Variants in DYNAP observed in about 807,000 individuals in gnomAD.
DYNAP encodes dynactin associated protein.
DYNAP carries 7 observed loss-of-function variants against 8.5 expected under a neutral mutation model. The ratio of observed to expected loss-of-function variants is 0.82; its 90% CI spans 0.47 to 1.54. The LOEUF is 1.54. Among genes scored for constraint, DYNAP ranks in the 40% most tolerant of loss-of-function variants. The pLI is 0.01. For missense variants in DYNAP, 256 were observed against 224.3 expected (o/e 1.14, Z -0.90); for synonymous variants, 77 against 77.9 (o/e 0.99, Z 0.06).
chr18:54,583,087 G>A (rs1910772250), upstream of DYNAP, among the ~76,000 whole-genome samples: 1 of 151,700 alleles, frequency 6.6e-6, no homozygotes, highest in African/African-American at 2.4e-5. Flanking sequence ...TTTTTTTCTG[G>A]GCACACCTTA....
At chr18:54,577,124 A>G in the DYNAP span, among the ~76,000 whole-genome samples, 1 of 152,336 alleles carries the variant, frequency 6.6e-6, no homozygotes, top group Non-Finnish European at 1.5e-5. Flanking sequence ...CTAAGGCAAA[A>G]TGGAAGAGCT....
upstream of DYNAP, among the ~76,000 whole-genome samples, chr18:54,585,580 C>T (rs905588527): frequency 1.3e-5 from 2 of 152,150 alleles, no homozygotes; most frequent in African/African-American, 4.8e-5. Flanking sequence ...GTGAACTTGC[C>T]TCTTCCAAAC....
rs753763886 is a variant in DYNAP, at chr18:54,598,143, T to C, written c.553T>C (p.Ter185GlnextTer5). Residue 185 changes from the stop codon to glutamine (Q), a stop_lost, in exon 3 of 3, where the codon TAA (stop) becomes CAA (glutamine). Coordinates refer to ENST00000648945, the MANE Select transcript of DYNAP (RefSeq NM_173629.3). The stretch of plus-strand genomic sequence containing the variant: ...AACTGTTGCACCTACCGATCATTTA[T>C]AATTTGAACAGCCATAGCCATCACT... ...PITVAPTDHL* is the reference protein window; with the variant it reads ...PITVAPTDHLQ 1.2e-5 allele frequency: 19 copies of C among 1,604,166 alleles called. No individual in the cohort carries two copies. Among genetic ancestry groups the C allele is most frequent in the Admixed American group, 3.4e-5 (2 of 59,578 alleles).
chr18:54,576,121 T>C, the DYNAP span, among the ~76,000 whole-genome samples: 1 of 152,236 alleles, frequency 6.6e-6, no homozygotes, highest in Non-Finnish European at 1.5e-5. Context: ...TACTGTGCCA[T>C]ACTTCCTTGT....
chr18:54,587,932 G>A (rs1423424143), upstream of DYNAP: 1 of 400,074 alleles, frequency 2.5e-6, no homozygotes, highest in African/African-American at 2.1e-5. Context: ...CTTTTATTCT[G>A]TAGAAGTTGT....
chr18:54,585,560 A>G (rs545608546), upstream of DYNAP, among the ~76,000 whole-genome samples: 185 of 152,186 alleles, frequency 1.2e-3, 1 homozygote, highest in African/African-American at 4.3e-3. Context: ...AGGACCTTTA[A>G]GATTTGGATG....
chr18:54,587,575 C>T (rs1568239659), upstream of DYNAP, among the ~76,000 whole-genome samples: 1 of 152,044 alleles, frequency 6.6e-6, no homozygotes. Context: ...AATAACCATG[C>T]TAAGATTATT....
chr18:54,577,264 G>A, the DYNAP span, among the ~76,000 whole-genome samples: 1 of 152,088 alleles, frequency 6.6e-6, no homozygotes, highest in Admixed American at 6.6e-5. Context: ...TGAATCAACA[G>A]TTATTAATTT....
the DYNAP span, among the ~76,000 whole-genome samples, chr18:54,581,469 A>G: frequency 1.3e-5 from 2 of 152,228 alleles, no homozygotes; most frequent in Non-Finnish European, 2.9e-5. Flanking sequence ...GGAGTGCGGC[A>G]GGAATGTATG....
chr18:54,576,383 T>C, the DYNAP span, among the ~76,000 whole-genome samples: 1 of 152,286 alleles, frequency 6.6e-6, no homozygotes, highest in African/African-American at 2.4e-5. Context: ...GTTCAGTGGA[T>C]CCATATCTCA....
At chr18:54,581,454 C>A in the DYNAP span, among the ~76,000 whole-genome samples, 1 of 152,156 alleles carries the variant, frequency 6.6e-6, no homozygotes. Context: ...GTACTATAAC[C>A]AGCAGGAGTG....
rs1419072858 is a variant in DYNAP at position 54,598,242 on chromosome 18, GAATCATGGCTGCAGTCACTTTA to G, written c.*99_*120del. On this transcript the variant is annotated 3_prime_UTR_variant, in exon 3 of 3. Coordinates refer to ENST00000648945, the MANE Select transcript of DYNAP (RefSeq NM_173629.3). ...ATAGCTACTCCTATCACTTCAAGTG[GAATCATGGCTGCAGTCACTTTA>G]ACAGACTCTATAACCGTTACAACTT... 1 of 1,275,168 alleles carries G rather than the reference GAATCATGGCTGCAGTCACTTTA, an allele frequency of 7.8e-7. No individual in the cohort carries two copies. The highest frequency in any genetic ancestry group is 1.1e-6 in the Non-Finnish European group (1 of 924,280). The allele number at this position is 1,275,168 out of a possible 1,614,324, so 79.0% of individuals were successfully genotyped here.
chr18:54,578,659 T>G, the DYNAP span, among the ~76,000 whole-genome samples: 1 of 152,344 alleles, frequency 6.6e-6, no homozygotes, highest in Admixed American at 6.5e-5. Flanking sequence ...TGTGTTTATG[T>G]GAATCTTTCG....
In DYNAP at chr18:54,598,039, C is replaced by G; in HGVS notation, c.449C>G (p.Thr150Ser). 6.2e-7 allele frequency: 1 copy of G among 1,613,568 alleles called. No individual in the cohort carries two copies. Among genetic ancestry groups the G allele is most frequent in the Non-Finnish European group, 8.5e-7 (1 of 1,179,762 alleles). Residue 150 changes from threonine to serine, a missense_variant, in exon 3 of 3, where the codon ACT becomes AGT. By Grantham distance (58) the Thr-to-Ser change is moderately conservative (BLOSUM62 1). Coordinates refer to ENST00000648945, the MANE Select transcript of DYNAP (RefSeq NM_173629.3). ...SPACPPTMTT[T>S]STVPASTATE... Reference sequence around the variant, plus strand: ...GCTTGTCCACCTACAATGACCACCACTTCAACTGTACCTGCAAGTACAGCC... The same window carrying G: ...GCTTGTCCACCTACAATGACCACCAGTTCAACTGTACCTGCAAGTACAGCC...
intron 2 of DYNAP, among the ~76,000 whole-genome samples, chr18:54,595,565 C>G (rs981570215): frequency 6.6e-6 from 1 of 152,064 alleles, no homozygotes. Context: ...GTGGCACTTT[C>G]TTTAGCTCCC....
upstream of DYNAP, among the ~76,000 whole-genome samples, chr18:54,582,902 C>A (rs1910766162): frequency 6.6e-6 from 1 of 152,094 alleles, no homozygotes; most frequent in African/African-American, 2.4e-5. Flanking sequence ...TTGGCAGTGA[C>A]CTATATATTT....
At chr18:54,583,777 A>G (rs576716473), upstream of DYNAP, among the ~76,000 whole-genome samples, 3 of 152,170 alleles carry the variant, frequency 2.0e-5, no homozygotes, top group Non-Finnish European at 4.4e-5. Flanking sequence ...GCAAATCACA[A>G]ATTTTTCAGC....
At chr18:54,576,682 G>A in the DYNAP span, among the ~76,000 whole-genome samples, 90,230 of 151,288 alleles carry the variant, frequency 0.6, 29,180 homozygotes, top group Middle Eastern at 0.76. Context: ...GCACACCTGC[G>A]GTGTCAGCTA....
At chr18:54,579,022 A>G in the DYNAP span, among the ~76,000 whole-genome samples, 1 of 152,090 alleles carries the variant, frequency 6.6e-6, no homozygotes, top group Non-Finnish European at 1.5e-5. Flanking sequence ...GTTGGTCTCA[A>G]TCTCCTGACC....
Sources: allele counts gnomAD v4.1 joint callset (sites outside exome capture counted in the v4.1 genomes callset), GRCh38; gene constraint gnomAD v4.1.1; transcripts MANE v1.5; gene names NCBI Gene and HGNC (gene_info 2026-07-23, HGNC 2026-07-21).